Variants in ADAMTSL1 observed in about 807,000 individuals in gnomAD.
ADAMTSL1 encodes ADAMTS-like protein 1.
A neutral mutation model predicts 201.8 loss-of-function variants in ADAMTSL1; 126 were observed. That is an observed-to-expected ratio of 0.62 (90% CI 0.54 to 0.72). The LOEUF is 0.72. Ranked by LOEUF, ADAMTSL1 falls within the 30% of genes least tolerant of loss-of-function variation. The probability of loss-of-function intolerance (pLI) is 0.00; values close to 1 mark genes in which losing one functional copy is unlikely to be tolerated. For missense variants in ADAMTSL1, 2,679 were observed against 2,277.8 expected (o/e 1.18, Z -3.59); for synonymous variants, 1,121 against 903.4 (o/e 1.24, Z -4.32).
At chr9:18,300,426 A>C (rs1030006143) in intron 2 of ADAMTSL1, among the ~76,000 whole-genome samples, 10 of 149,966 alleles carry the variant, frequency 6.7e-5, no homozygotes, top group Non-Finnish European at 1.0e-4. Flanking sequence ...TCACTTGGAC[A>C]CAGGGCGGGT....
intron 2 of ADAMTSL1, among the ~76,000 whole-genome samples, chr9:18,238,074 A>G (rs1830916680): frequency 6.6e-6 from 1 of 152,202 alleles, no homozygotes; most frequent in Non-Finnish European, 1.5e-5. Context: ...TTCTCTTAAG[A>G]AAGCCACTTT....
chr9:18,713,320 T>C (rs1377877928), intron 14 of ADAMTSL1, among the ~76,000 whole-genome samples: 1 of 151,968 alleles, frequency 6.6e-6, no homozygotes, highest in African/African-American at 2.4e-5. Flanking sequence ...GGATAAAGAG[T>C]CAAGACCCAT....
chr9:18,829,980 G>A lies in ADAMTSL1; in HGVS notation c.4249+3G>A, dbSNP rs748882604. On this transcript the variant is annotated splice_donor_region_variant and intron_variant, in intron 23 of 28. Transcript: ENST00000380548. ...TCCTGGGAATTCTGCTCTCCTTGGT[G>A]AGTCTAACCCTCGGAAACATTGGGC... 17 of 1,606,640 alleles carry A rather than the reference G, an allele frequency of 1.1e-5. No homozygotes were observed. In the East Asian group the frequency reaches 2.7e-4, roughly 25 times the overall value.
intron 23 of ADAMTSL1, among the ~76,000 whole-genome samples, chr9:18,835,231 A>G (rs1310934673): frequency 6.6e-6 from 1 of 152,084 alleles, no homozygotes; most frequent in Non-Finnish European, 1.5e-5. Context: ...AGTGTTGAAC[A>G]TGTATTCATG....
chr9:18,057,168 A>G (rs1350097419), intron 1 of ADAMTSL1, among the ~76,000 whole-genome samples: 1 of 152,104 alleles, frequency 6.6e-6, no homozygotes, highest in Non-Finnish European at 1.5e-5. Context: ...CTTTTCTGAG[A>G]CCTGCAGAGA....
At chr9:17,955,612 C>T (rs1827899108) in intron 1 of ADAMTSL1, among the ~76,000 whole-genome samples, 1 of 152,144 alleles carries the variant, frequency 6.6e-6, no homozygotes, top group Non-Finnish European at 1.5e-5. Context: ...CTCCTTCCTC[C>T]TTTGTCCTAC....
intron 2 of ADAMTSL1, among the ~76,000 whole-genome samples, chr9:18,415,914 G>GA (rs563649600): frequency 6.6e-6 from 1 of 151,778 alleles, no homozygotes; most frequent in Admixed American, 6.6e-5. Context: ...ATACTGAAAG[G>GA]AAAAAAAGGT....
intron 1 of ADAMTSL1, among the ~76,000 whole-genome samples, chr9:18,068,460 G>C (rs1822808198): frequency 6.6e-6 from 1 of 152,156 alleles, no homozygotes; most frequent in South Asian, 2.1e-4. Context: ...GCAAATACTA[G>C]ACCATTTTAT....
chr9:17,980,489 G>A (rs1042112670), intron 1 of ADAMTSL1, among the ~76,000 whole-genome samples: 7 of 151,626 alleles, frequency 4.6e-5, no homozygotes, highest in Non-Finnish European at 1.5e-5. Context: ...TTTATTTCTA[G>A]CACTTCTACT....
At chr9:18,803,123 C>T (rs1316587704) in intron 20 of ADAMTSL1, among the ~76,000 whole-genome samples, 2 of 152,202 alleles carry the variant, frequency 1.3e-5, no homozygotes, top group Non-Finnish European at 2.9e-5. Flanking sequence ...CCTTACAGTT[C>T]TGTAGGTCAG....
intron 2 of ADAMTSL1, among the ~76,000 whole-genome samples, chr9:18,240,199 C>G (rs1831008855): frequency 6.6e-6 from 1 of 152,104 alleles, no homozygotes; most frequent in East Asian, 1.9e-4. Flanking sequence ...ATGTGAAAGT[C>G]AAAACTAATC....
At chr9:18,598,113 C>T (rs980689533) in intron 4 of ADAMTSL1, among the ~76,000 whole-genome samples, 2 of 152,172 alleles carry the variant, frequency 1.3e-5, no homozygotes, top group African/African-American at 4.8e-5. Flanking sequence ...AATAGAACAA[C>T]AAGGCCAAGA....
chr9:18,579,149 G>C (rs1385296695), intron 4 of ADAMTSL1, among the ~76,000 whole-genome samples: 3 of 150,870 alleles, frequency 2.0e-5, no homozygotes, highest in African/African-American at 7.3e-5. Context: ...TATACACCAT[G>C]GAATACTATG....
In ADAMTSL1 at chr9:18,290,343, C is replaced by G. The variant is rs537639268; in HGVS notation, c.207+126362C>G. ...AATTGGCAGGAGCAAGATGACAAAG[C>G]AGTGAGAAGGGACAGTGAGGAGACG... On this transcript the variant is annotated intron_variant, in intron 2 of 29. Transcript: ENST00000680146. 2.7e-5 allele frequency among the ~76,000 whole-genome samples: 4 copies of G among 150,848 alleles called. No individual in the cohort carries two copies. In the South Asian group the frequency reaches 8.4e-4, roughly 32 times the overall value.
intron 7 of ADAMTSL1, among the ~76,000 whole-genome samples, chr9:18,655,806 T>TAAAAAAA (rs56662538): frequency 0.018 from 1,492 of 81,772 alleles, 62 homozygotes; most frequent in African/African-American, 0.027. Flanking sequence ...TTTGTGAGCT[T>TAAAAAAA]AAAAAAAAAA....
At chr9:18,744,281 GTCTGCTTTCTCCA>G (rs1300610634) in intron 15 of ADAMTSL1, among the ~76,000 whole-genome samples, 1 of 152,220 alleles carries the variant, frequency 6.6e-6, no homozygotes. Flanking sequence ...CTGGGCTTTT[GTCTGCTTTCTCCA>G]TCTTTGCTGA....
intron 2 of ADAMTSL1, among the ~76,000 whole-genome samples, chr9:18,284,249 AG>A (rs1395636633): frequency 8.5e-5 from 13 of 152,170 alleles, no homozygotes; most frequent in Non-Finnish European, 1.6e-4. Flanking sequence ...AAATAAAAAA[AG>A]AATTAAAAAA....
chr9:18,667,285 CAAAA>C (rs565825296), intron 9 of ADAMTSL1, among the ~76,000 whole-genome samples: 1 of 147,594 alleles, frequency 6.8e-6, no homozygotes. Context: ...GGCCAGGAAC[CAAAA>C]AAAAAGTCTC....
chr9:18,315,154 A>G (rs71506870), intron 2 of ADAMTSL1, among the ~76,000 whole-genome samples: 4,213 of 152,136 alleles, frequency 0.028, 80 homozygotes, highest in Non-Finnish European at 0.044. Flanking sequence ...CAGGGTGCTG[A>G]TTGGTGCATT....
Sources: gnomAD v4.1 joint callset for allele counts (sites outside exome capture counted in the v4.1 genomes callset) on GRCh38, gnomAD v4.1.1 for gene constraint, MANE v1.5 for transcripts, NCBI Gene and HGNC (gene_info 2026-07-23, HGNC 2026-07-21) for gene names.